The following ARSF variants were observed in gnomAD, a reference collection of about 807,000 sequenced individuals.
ARSF encodes the protein arylsulfatase F.
ARSF carries 33 observed loss-of-function variants against 35.4 expected under a neutral mutation model. The observed-to-expected ratio is 0.93, with a 90% CI of 0.71 to 1.25. The LOEUF (loss-of-function observed/expected upper bound fraction) is 1.25, where lower values mean the gene tolerates loss of function less well. ARSF is among the 50% of genes most tolerant of loss of function. ARSF has a pLI of 0.00. For missense variants in ARSF, 501 were observed against 480.2 expected, an observed-to-expected ratio of 1.04 and a Z score of -0.40; for synonymous variants, 222 against 193.1, an observed-to-expected ratio of 1.15 and a Z score of -1.24.
intron 7 of ARSF, among the ~76,000 whole-genome samples, chrX:3,093,379 C>A (rs954807178): frequency 9.0e-6 from 1 of 111,444 alleles, no homozygotes; most frequent in African/African-American, 3.3e-5. Context: ...AGCATGGCAA[C>A]CAATAGATAG....
Position 3,110,112 on chromosome X carries a change from G to C in ARSF, c.1266-16G>C. 8.6e-7 allele frequency: 1 copy of C among 1,166,087 alleles called. No homozygotes were observed. Among genetic ancestry groups the C allele is most frequent in the Non-Finnish European group, 1.1e-6 (1 of 870,733 alleles). On this transcript the variant is annotated splice_polypyrimidine_tract_variant and intron_variant, in intron 9 of 10. Transcript: ENST00000381127. Reference sequence around the variant, plus strand: ...TCTCCTCATTTTCCTTATCTGCACTGTCTGTGTCTCTGCAGGGTCATTGAC... The same window carrying C: ...TCTCCTCATTTTCCTTATCTGCACTCTCTGTGTCTCTGCAGGGTCATTGAC...
At chrX:3,064,861 TA>T (rs1452429109) in intron 1 of ARSF, among the ~76,000 whole-genome samples, 1 of 111,525 alleles carries the variant, frequency 9.0e-6, no homozygotes, top group Non-Finnish European at 1.9e-5. Context: ...GGCGGGAGTG[TA>T]AACTAGTTCA....
At chrX:3,080,773 C>T (rs1309744300) in intron 4 of ARSF, 118 bp from the exon 5 acceptor site, 2 of 905,647 alleles carry the variant, frequency 2.2e-6, no homozygotes, top group East Asian at 6.9e-5. Flanking sequence ...TCCTAAAAGC[C>T]CTACCTCCTA....
At chrX:3,111,138 CTTT>C (rs1164012790) in intron 10 of ARSF, among the ~76,000 whole-genome samples, 5 of 89,262 alleles carry the variant, frequency 5.6e-5, no homozygotes, top group African/African-American at 1.6e-4. Flanking sequence ...TTCTTTCTTT[CTTT>C]TTTTTTTTTT....
chrX:3,090,096 C>G (rs2090278229), intron 7 of ARSF, among the ~76,000 whole-genome samples: 1 of 111,142 alleles, frequency 9.0e-6, no homozygotes, highest in Non-Finnish European at 1.9e-5. Flanking sequence ...CTAGTAGTCC[C>G]CAGTATCTAT....
intron 7 of ARSF, among the ~76,000 whole-genome samples, chrX:3,092,884 CAT>C (rs1421339417): frequency 8.9e-6 from 1 of 112,195 alleles, no homozygotes; most frequent in African/African-American, 3.2e-5. Context: ...TTATAATTAT[CAT>C]AGGTGGCCGG....
At position 3,103,761 on chromosome X, in the gene ARSF, G is replaced by C. The variant is rs1285485198; in HGVS notation, c.1103-1G>C. On this transcript the variant is annotated splice_acceptor_variant, in intron 8 of 10. Transcript: ENST00000381127. LOFTEE classifies it high-confidence loss of function. Reference sequence around the variant, plus strand: ...TTGAACTTAATTGCATTGTCTTATAGGTGGAAAAGGCATGGGGGGCTGGGA... The same window carrying C: ...TTGAACTTAATTGCATTGTCTTATACGTGGAAAAGGCATGGGGGGCTGGGA... 2 of 1,210,826 alleles carry C rather than the reference G, an allele frequency of 1.7e-6. No homozygotes were observed. The highest frequency in any genetic ancestry group is 1.8e-5 in the South Asian group (1 of 56,874).
At position 3,076,794 on chromosome X, in the gene ARSF, C is replaced by T. The variant is rs1269257826; in HGVS notation, c.283+125C>T. 7 of 993,440 alleles carry T rather than the reference C, an allele frequency of 7.0e-6. No individual in the cohort carries two copies. The African/African-American group carries it at 1.3e-4, about 19-fold the overall frequency. 81.9% of individuals were successfully genotyped at this position (993,440 alleles called of 1,213,427 possible). A position where few individuals can be genotyped will look rare whatever the true frequency, so the allele number is the denominator to read the frequency against. On this transcript the variant is annotated intron_variant, in intron 4 of 10. Transcript: ENST00000381127. Reference sequence around the variant, plus strand: ...GCACGATGGCTCACGCCTGTAATCCCAGAACTTCGGGAGGCCAAGGTGGGA... The same window carrying T: ...GCACGATGGCTCACGCCTGTAATCCTAGAACTTCGGGAGGCCAAGGTGGGA...
chrX:3,097,390 A>G (rs2090344572), intron 7 of ARSF, among the ~76,000 whole-genome samples: 1 of 112,445 alleles, frequency 8.9e-6, no homozygotes, highest in Non-Finnish European at 1.9e-5. Flanking sequence ...AATATTAGCA[A>G]CAACATGACA....
At position 3,112,207 on chromosome X, in the gene ARSF, C is replaced by G. The variant is rs142529716; in HGVS notation, c.1424C>G (p.Pro475Arg). ...GSVWKAHYVT[P>R]VFQPPASGGC... The stretch of plus-strand genomic sequence containing the variant: ...GTTTGGAAGGCTCACTATGTGACCC[C>G]GGTATTCCAGCCACCAGCTTCTGGT... The change falls in exon 11 of 11, where the codon CCG becomes CGG. Residue 475 changes from proline to arginine, a missense_variant. Coordinates refer to ENST00000381127, the MANE Select transcript of ARSF (RefSeq NM_001201539.2). The G allele has an allele frequency of 8.3e-7, 1 of 1,209,611 alleles. No homozygotes were observed. Among genetic ancestry groups the G allele is most frequent in the Non-Finnish European group, 1.1e-6 (1 of 894,614 alleles).
rs774650411 is a variant in ARSF, at chrX:3,110,207, T to C, written c.1345T>C (p.Cys449Arg). The change falls in exon 10 of 11, where the codon TGT becomes CGT. Residue 449 changes from cysteine (C) to arginine (R), a missense_variant. Coordinates refer to ENST00000381127, the MANE Select transcript of ARSF (RefSeq NM_001201539.2). The stretch of plus-strand genomic sequence containing the variant: ...GGAGCATGAATTTCTTTTCCACTAC[T>C]GTGGCTCCTACCTGCACGCCGTGCG... ...HSEHEFLFHYCGSYLHAVRWI... is the reference protein window; with the variant it reads ...HSEHEFLFHYRGSYLHAVRWI... The C allele has an allele frequency of 5.0e-6, 6 of 1,202,262 alleles. No individual in the cohort carries two copies. The highest frequency in any genetic ancestry group is 6.7e-6 in the Non-Finnish European group (6 of 890,701).
At chrX:3,054,574 G>T (rs757262086) in intron 1 of ARSF, among the ~76,000 whole-genome samples, 1 of 110,653 alleles carries the variant, frequency 9.0e-6, no homozygotes, top group South Asian at 3.9e-4. Context: ...ACAGTACTGG[G>T]ATGACAGGTG....
chrX:3,102,082 T>C (rs1395542871), intron 8 of ARSF, among the ~76,000 whole-genome samples: 1 of 111,222 alleles, frequency 9.0e-6, no homozygotes, highest in Non-Finnish European at 1.9e-5. Flanking sequence ...AAGTGTGCAC[T>C]TAGGACCCAA....
chrX:3,063,794 C>G lies in ARSF; in HGVS notation c.-28-4279C>G, dbSNP rs144180467. On this transcript the variant is annotated intron_variant, in intron 1 of 10. Coordinates refer to ENST00000381127, the MANE Select transcript of ARSF (RefSeq NM_001201539.2). ...AGGAGAACTACAAACCACTGCTCAA[C>G]GAAATAAAATGACACAAACAAATGG... Among the ~76,000 whole-genome samples, 1,053 of 111,301 alleles carry G rather than the reference C, an allele frequency of 9.5e-3. 16 individuals carry two copies. Among genetic ancestry groups the G allele is most frequent in the African/African-American group, 0.033 (997 of 30,640 alleles).
intron 8 of ARSF, among the ~76,000 whole-genome samples, chrX:3,102,659 A>C (rs1408917137): frequency 8.9e-6 from 1 of 112,368 alleles, no homozygotes; most frequent in Non-Finnish European, 1.9e-5. Flanking sequence ...TCATGCCTGT[A>C]ATCCCAGCAC....
At chrX:3,058,542 G>A (rs1325429901) in intron 1 of ARSF, 1 of 311,215 alleles carries the variant, frequency 3.2e-6, no homozygotes, top group African/African-American at 2.7e-5. Context: ...AGTCAGAAAA[G>A]GCAGAACATA....
In ARSF at chrX:3,112,654, T is replaced by G. The variant is rs779941049; in HGVS notation, c.*98T>G. On this transcript the variant is annotated 3_prime_UTR_variant, in exon 11 of 11. Transcript: ENST00000381127. ...AGCACTAACTTTGGTGCTTTCAAGT[T>G]GGCAAGGAGTGCATTTAATAGTCAA... is the stretch of plus-strand genomic sequence containing the variant. The G allele has an allele frequency of 9.4e-7, 1 of 1,059,129 alleles. No individual in the cohort carries two copies. The highest frequency in any genetic ancestry group is 3.3e-5 in the East Asian group (1 of 30,180). 87.3% of individuals were successfully genotyped at this position (1,059,129 alleles called of 1,213,427 possible).
chrX:3,092,868 T>G (rs2090305261), intron 7 of ARSF, among the ~76,000 whole-genome samples: 1 of 112,491 alleles, frequency 8.9e-6, no homozygotes, highest in Non-Finnish European at 1.9e-5. Context: ...ATCACCTTCC[T>G]GCCTTTTATA....
intron 4 of ARSF, among the ~76,000 whole-genome samples, chrX:3,080,166 G>A (rs1430031117): frequency 2.7e-5 from 3 of 110,498 alleles, no homozygotes; most frequent in Non-Finnish European, 5.7e-5. Context: ...CACTGACTTT[G>A]GACGAGAAGA....
Sources: allele counts gnomAD v4.1 joint callset (sites outside exome capture counted in the v4.1 genomes callset), GRCh38; gene constraint gnomAD v4.1.1; transcripts MANE v1.5; gene names NCBI Gene and HGNC (gene_info 2026-07-23, HGNC 2026-07-21).